TCF7L1: variants seen among roughly 807,000 people sequenced by gnomAD.
TCF7L1 encodes the protein transcription factor 7-like 1.
A neutral mutation model predicts 63.7 loss-of-function variants in TCF7L1; 18 were observed. The ratio of observed to expected loss-of-function variants is 0.28; its 90% confidence interval spans 0.20 to 0.42. TCF7L1 has a LOEUF of 0.42. Ranked by LOEUF, TCF7L1 falls within the 10% of genes least tolerant of loss-of-function variation. The pLI is 1.00. For synonymous variants in TCF7L1, 355 were observed against 340.9 expected, an observed-to-expected ratio of 1.04 and a Z score of -0.46; for missense variants, 654 against 779.3, an observed-to-expected ratio of 0.84 and a Z score of 1.91.
chr2:85,143,955 C>T lies in TCF7L1; in HGVS notation c.441+9505C>T, dbSNP rs564492275. On this transcript the variant is annotated intron_variant, in intron 3 of 11. Transcript: ENST00000282111. ...CGTGGGCTGTCCCAGGAACTTCATC[C>T]GAGGAAAAGGTGCTTACCTGCTAAC... is the stretch of plus-strand genomic sequence containing the variant. Among the ~76,000 whole-genome samples, 75 of 152,280 alleles carry T rather than the reference C, an allele frequency of 4.9e-4. 1 individual carries two copies. The highest frequency in any genetic ancestry group is 1.5e-3 in the African/African-American group (63 of 41,542).
chr2:85,153,330 G>A (rs528710675), intron 3 of TCF7L1, among the ~76,000 whole-genome samples: 1 of 129,022 alleles, frequency 7.8e-6, no homozygotes, highest in African/African-American at 3.1e-5. Flanking sequence ...GATCTTGCTA[G>A]CCTTTATAAA....
intron 3 of TCF7L1, among the ~76,000 whole-genome samples, chr2:85,149,310 TATATACAC>T (rs1377744846): frequency 9.5e-6 from 1 of 105,418 alleles, no homozygotes; most frequent in African/African-American, 3.6e-5. Context: ...TGTATATATG[TATATACAC>T]ATATACACAT....
chr2:85,243,017 A>G (rs1680373946), intron 3 of TCF7L1, among the ~76,000 whole-genome samples: 1 of 152,208 alleles, frequency 6.6e-6, no homozygotes, highest in South Asian at 2.1e-4. Flanking sequence ...GTAGTTAACA[A>G]TAAGTAACTG....
chr2:85,135,980 G>T (rs934943488), intron 3 of TCF7L1, among the ~76,000 whole-genome samples: 3 of 152,010 alleles, frequency 2.0e-5, no homozygotes, highest in Admixed American at 1.3e-4. Flanking sequence ...GGTTTTCAGT[G>T]ATTCCCACCA....
intron 3 of TCF7L1, among the ~76,000 whole-genome samples, chr2:85,275,453 G>A (rs1338829174): frequency 6.6e-6 from 1 of 152,248 alleles, no homozygotes; most frequent in Non-Finnish European, 1.5e-5. Flanking sequence ...AGAGGAAAGA[G>A]GTGTTTATGG....
chr2:85,149,205 A>G (rs924667732), intron 3 of TCF7L1, among the ~76,000 whole-genome samples: 3 of 152,024 alleles, frequency 2.0e-5, no homozygotes, highest in Non-Finnish European at 4.4e-5. Context: ...CTTTGCAAAA[A>G]CTTAACAAAT....
chr2:85,289,474 T>G (rs1016611608), intron 4 of TCF7L1, among the ~76,000 whole-genome samples: 1 of 152,140 alleles, frequency 6.6e-6, no homozygotes, highest in Non-Finnish European at 1.5e-5. Context: ...AATGCAAATT[T>G]TAGCTGTTAG....
Position 85,306,298 on chromosome 2 carries a change from G to A in TCF7L1, c.1082G>A (p.Arg361Lys). The A allele has an allele frequency of 6.2e-7, 1 of 1,614,190 alleles. No individual in the cohort carries two copies. Among genetic ancestry groups the A allele is most frequent in the Non-Finnish European group, 8.5e-7 (1 of 1,180,038 alleles). ...NAFMLYMKEM[R>K]AKVVAECTLK... ...TTCATGTTGTATATGAAGGAGATGA[G>A]GGCCAAGGTGGTGGCTGAGTGCACC... The change falls in exon 9 of 12, where the codon AGG becomes AAG. Residue 361 changes from arginine to lysine, a missense_variant. Around this residue, in one of 3 missense-constraint regions of TCF7L1, gnomAD observed 66 missense variants for 120.5 expected, o/e 0.55. Transcript: ENST00000282111. This position sits in a 1 kb window ranked among gnomAD's most constrained non-coding sequence, Gnocchi z 4.3.
At chr2:85,190,448 G>C (rs543297261) in intron 3 of TCF7L1, among the ~76,000 whole-genome samples, 1 of 152,278 alleles carries the variant, frequency 6.6e-6, no homozygotes, top group African/African-American at 2.4e-5. Context: ...GTCTTGGGTG[G>C]CTGGTTTGCA....
chr2:85,221,369 A>G (rs1289998204), intron 3 of TCF7L1, among the ~76,000 whole-genome samples: 2 of 152,242 alleles, frequency 1.3e-5, no homozygotes, highest in Non-Finnish European at 2.9e-5. Flanking sequence ...TGAAGAAGAA[A>G]TAGTCTTGTT....
In TCF7L1 at chr2:85,306,155, A is replaced by T. The variant is rs774175138; in HGVS notation, c.990-51A>T. The T allele has an allele frequency of 6.2e-7, 1 of 1,609,034 alleles. No individual in the cohort carries two copies. On this transcript the variant is annotated intron_variant, in intron 8 of 11. Coordinates refer to ENST00000282111, the MANE Select transcript of TCF7L1 (RefSeq NM_031283.3). The surrounding 1 kb of genome is among the most constrained non-coding windows in gnomAD (Gnocchi z 4.3). ...GTGTTTCAGTGACAGGTGGGGATTG[A>T]TGAGTTGTGTGACACCTGACATGCT...
intron 6 of TCF7L1, 25 bp downstream of exon 6, chr2:85,304,022 C>T: frequency 6.5e-7 from 1 of 1,539,446 alleles, no homozygotes; most frequent in Non-Finnish European, 9.0e-7. Flanking sequence ...GCCTCTCTTC[C>T]CCCTGCTCCC....
chr2:85,183,228 G>A (rs1051826751), intron 3 of TCF7L1, among the ~76,000 whole-genome samples: 5 of 152,150 alleles, frequency 3.3e-5, no homozygotes, highest in Non-Finnish European at 7.3e-5. Flanking sequence ...GGGCAAGTCA[G>A]CCAAGAGTGT....
intron 3 of TCF7L1, among the ~76,000 whole-genome samples, chr2:85,271,774 T>C (rs999729669): frequency 2.6e-5 from 4 of 152,230 alleles, no homozygotes; most frequent in African/African-American, 7.2e-5. Context: ...TGTCACTGCA[T>C]CTTGATCATC....
chr2:85,172,216 G>A (rs934484646), intron 3 of TCF7L1, among the ~76,000 whole-genome samples: 1 of 152,088 alleles, frequency 6.6e-6, no homozygotes, highest in Non-Finnish European at 1.5e-5. Flanking sequence ...ATGATGTTAG[G>A]GCCATGGGGT....
At chr2:85,263,793 G>A (rs1054915917) in intron 3 of TCF7L1, among the ~76,000 whole-genome samples, 4 of 152,234 alleles carry the variant, frequency 2.6e-5, no homozygotes, top group Non-Finnish European at 4.4e-5. Flanking sequence ...ACCTGCAGGG[G>A]GAGGAGGAGA....
In TCF7L1 at chr2:85,302,508, C is replaced by T. The variant is rs757841075; in HGVS notation, c.550C>T (p.His184Tyr). 6.2e-6 allele frequency: 10 copies of T among 1,614,148 alleles called. No homozygotes were observed. Among genetic ancestry groups the T allele is most frequent in the East Asian group, 4.5e-5 (2 of 44,886 alleles). The change falls in exon 5 of 12, where the codon CAC becomes TAC. Residue 184 changes from histidine (H) to tyrosine (Y), a missense_variant. His to Tyr is a moderately conservative substitution (Grantham distance 83, BLOSUM62 2). This residue lies in a region of TCF7L1 where 404 missense variants were observed against 454.8 expected (regional missense o/e 0.89). Coordinates refer to ENST00000282111, the MANE Select transcript of TCF7L1 (RefSeq NM_031283.3). ...HLSNKVPVVQHPHHMHPLTPL... is the reference protein window; with the variant it reads ...HLSNKVPVVQYPHHMHPLTPL... ...GTCTAATAAAGTTCCTGTCGTTCAG[C>T]ACCCGCATCACATGCATCCGCTGAC...
rs551792499 is a variant in TCF7L1 at position 85,254,430 on chromosome 2, G to C, written c.442-29065G>C. On this transcript the variant is annotated intron_variant, in intron 3 of 11. Coordinates refer to ENST00000282111, the MANE Select transcript of TCF7L1 (RefSeq NM_031283.3). ...TCTGTGTGTCCCTTGTAGGTCAGTG[G>C]TGCTTTTTCCTGCATTGGGGGGGCT... Among the ~76,000 whole-genome samples, 6 of 152,358 alleles carry C rather than the reference G, an allele frequency of 3.9e-5. No homozygotes were observed. In the East Asian group the frequency reaches 1.2e-3, roughly 29 times the overall value.
chr2:85,293,454 C>G (rs541080336), intron 4 of TCF7L1, among the ~76,000 whole-genome samples: 4 of 152,338 alleles, frequency 2.6e-5, no homozygotes, highest in Admixed American at 2.6e-4. Context: ...TTAAAAGTTT[C>G]CTGAGGCCTC....
Sources: gnomAD v4.1 joint callset for allele counts (sites outside exome capture counted in the v4.1 genomes callset) on GRCh38, gnomAD v4.1.1 for gene constraint, gnomAD v4.1.1 regional missense constraint, Gnocchi (gnomAD v3.1) non-coding constraint, MANE v1.5 for transcripts, NCBI Gene and HGNC (gene_info 2026-07-23, HGNC 2026-07-21) for gene names.